Variants in NXPH1 observed in about 807,000 individuals in gnomAD.
The protein encoded by NXPH1 is neurexophilin 1.
Under a neutral mutation model 23.7 loss-of-function variants are expected in NXPH1, and 5 were observed. That is an observed-to-expected ratio of 0.21 (90% CI 0.11 to 0.44). The LOEUF is 0.44. NXPH1 is among the 20% of genes least tolerant of loss of function. The probability of loss-of-function intolerance (pLI) is 0.99; values close to 1 mark genes in which losing one functional copy is unlikely to be tolerated. For missense variants in NXPH1, 324 were observed against 321.6 expected, an observed-to-expected ratio of 1.01 and a Z score of -0.06; for synonymous variants, 144 against 122.2, an observed-to-expected ratio of 1.18 and a Z score of -1.18.
chr7:8,470,269 A>C lies in NXPH1; in HGVS notation c.54+34502A>C, dbSNP rs74551179. ...TACATTGACTATTAAGTTGGCTGAA[A>C]TGTGGATTTCTATCATTTGATGCAC... On this transcript the variant is annotated intron_variant, in intron 2 of 2. Coordinates refer to ENST00000405863, the MANE Select transcript of NXPH1 (RefSeq NM_152745.3). 5.1e-3 allele frequency among the ~76,000 whole-genome samples: 782 copies of C among 152,256 alleles called. 9 individuals are homozygous for C. Among genetic ancestry groups the C allele is most frequent in the Non-Finnish European group, 8.3e-3 (562 of 67,968 alleles).
intron 2 of NXPH1, among the ~76,000 whole-genome samples, chr7:8,465,140 A>G (rs918208582): frequency 1.3e-5 from 2 of 152,218 alleles, no homozygotes; most frequent in Non-Finnish European, 1.5e-5. Context: ...AGTATAGGGG[A>G]TCTCCCCAAA....
intron 2 of NXPH1, among the ~76,000 whole-genome samples, chr7:8,621,438 CA>C (rs1299571633): frequency 6.6e-6 from 1 of 151,382 alleles, no homozygotes. Flanking sequence ...AACTTTGGGA[CA>C]AAGCTCTTTG....
At chr7:8,737,134 AAAGTT>A (rs1206672594) in intron 2 of NXPH1, among the ~76,000 whole-genome samples, 1 of 152,104 alleles carries the variant, frequency 6.6e-6, no homozygotes, top group African/African-American at 2.4e-5. Flanking sequence ...ATTTACATTT[AAAGTT>A]AATATTGTTG....
intron 2 of NXPH1, among the ~76,000 whole-genome samples, chr7:8,660,706 A>G (rs983304354): frequency 6.6e-6 from 1 of 152,204 alleles, no homozygotes; most frequent in African/African-American, 2.4e-5. Context: ...TAAAATTTTA[A>G]TGTATGATTG....
chr7:8,534,750 C>T (rs1476356197), intron 2 of NXPH1, among the ~76,000 whole-genome samples: 1 of 152,064 alleles, frequency 6.6e-6, no homozygotes, highest in African/African-American at 2.4e-5. Flanking sequence ...GCTAACAGCG[C>T]TGTGTCAGGT....
At chr7:8,496,113 A>G (rs1027029359) in intron 2 of NXPH1, among the ~76,000 whole-genome samples, 9 of 152,184 alleles carry the variant, frequency 5.9e-5, no homozygotes, top group Non-Finnish European at 8.8e-5. Flanking sequence ...TCCAAACAGC[A>G]CACTAAAAGC....
intron 2 of NXPH1, among the ~76,000 whole-genome samples, chr7:8,740,796 G>A (rs1780348682): frequency 6.6e-6 from 1 of 151,834 alleles, no homozygotes; most frequent in Admixed American, 6.6e-5. Context: ...TATACTCAAG[G>A]CTTATAATGT....
At chr7:8,538,890 C>T (rs1179863132) in intron 2 of NXPH1, among the ~76,000 whole-genome samples, 3 of 151,674 alleles carry the variant, frequency 2.0e-5, no homozygotes, top group African/African-American at 7.3e-5. Context: ...AGAGGGTGGG[C>T]AGGAAAGAGA....
chr7:8,566,184 C>T (rs1461236601), intron 2 of NXPH1, among the ~76,000 whole-genome samples: 1 of 151,774 alleles, frequency 6.6e-6, no homozygotes, highest in Non-Finnish European at 1.5e-5. Flanking sequence ...CTCTCTAGTT[C>T]TTTGGCACCA....
At chr7:8,657,620 G>A (rs1210140304) in intron 2 of NXPH1, among the ~76,000 whole-genome samples, 7 of 152,182 alleles carry the variant, frequency 4.6e-5, no homozygotes, top group Non-Finnish European at 1.0e-4. Context: ...TAAGATTCAG[G>A]TATGATTTAT....
At chr7:8,581,205 T>A (rs1169123278) in intron 2 of NXPH1, among the ~76,000 whole-genome samples, 1 of 152,182 alleles carries the variant, frequency 6.6e-6, no homozygotes, top group Admixed American at 6.5e-5. Context: ...AAATATATAC[T>A]TATTAAAGAC....
intron 2 of NXPH1, among the ~76,000 whole-genome samples, chr7:8,746,821 T>C (rs1199000939): frequency 6.6e-6 from 1 of 151,894 alleles, no homozygotes; most frequent in Non-Finnish European, 1.5e-5. Context: ...TTTATGCTCA[T>C]TTTCTCCCCA....
chr7:8,740,950 TAC>T (rs1369432618), intron 2 of NXPH1, among the ~76,000 whole-genome samples: 2 of 152,128 alleles, frequency 1.3e-5, no homozygotes, highest in African/African-American at 2.4e-5. Flanking sequence ...AAGTATAGAA[TAC>T]ATTGTTAATA....
At chr7:8,644,977 T>G (rs939344177) in intron 2 of NXPH1, among the ~76,000 whole-genome samples, 1 of 152,230 alleles carries the variant, frequency 6.6e-6, no homozygotes, top group Admixed American at 6.5e-5. Flanking sequence ...AGCATATTAT[T>G]TGTGGGATTC....
chr7:8,459,631 C>G (rs1051101334), intron 2 of NXPH1, among the ~76,000 whole-genome samples: 4 of 152,112 alleles, frequency 2.6e-5, no homozygotes, highest in Non-Finnish European at 5.9e-5. Context: ...GCTTTGATTC[C>G]AGTCTACTAA....
At chr7:8,575,469 G>T (rs1818735191) in intron 2 of NXPH1, among the ~76,000 whole-genome samples, 1 of 152,100 alleles carries the variant, frequency 6.6e-6, no homozygotes, top group South Asian at 2.1e-4. Context: ...TTGTTTCAAT[G>T]AATAGAAAGC....
chr7:8,556,941 C>A (rs1034287187), intron 2 of NXPH1, among the ~76,000 whole-genome samples: 2 of 151,650 alleles, frequency 1.3e-5, no homozygotes, highest in African/African-American at 4.8e-5. Context: ...GATGAAGAAA[C>A]AGATACGATG....
At chr7:8,532,278 C>A (rs1443502500) in intron 2 of NXPH1, among the ~76,000 whole-genome samples, 2 of 152,198 alleles carry the variant, frequency 1.3e-5, no homozygotes, top group Middle Eastern at 3.4e-3. Flanking sequence ...GATGGAACAA[C>A]ACAGGATATA....
At chr7:8,588,557 G>T (rs546377634) in intron 2 of NXPH1, among the ~76,000 whole-genome samples, 5 of 152,188 alleles carry the variant, frequency 3.3e-5, no homozygotes, top group South Asian at 2.1e-4. Flanking sequence ...GTTGTTCAAG[G>T]CTCCCAGGCT....
Sources: allele counts gnomAD v4.1 joint callset (sites outside exome capture counted in the v4.1 genomes callset), GRCh38; gene constraint gnomAD v4.1.1; transcripts MANE v1.5; gene names NCBI Gene and HGNC (gene_info 2026-07-23, HGNC 2026-07-21).